Variants in ZC3H12B observed in about 807,000 individuals in gnomAD.
ZC3H12B encodes the protein probable ribonuclease ZC3H12B.
Under a neutral mutation model 43.9 loss-of-function variants are expected in ZC3H12B, and 7 were observed. The observed-to-expected ratio is 0.16, with a 90% CI of 0.09 to 0.30. ZC3H12B has a LOEUF of 0.30. ZC3H12B is among the 10% of genes least tolerant of loss of function. The pLI, the probability that ZC3H12B is intolerant of heterozygous loss-of-function variation, is 1.00. For missense variants in ZC3H12B, 475 were observed against 670.2 expected, an observed-to-expected ratio of 0.71 and a Z score of 3.22; for synonymous variants, 222 against 241.7, an observed-to-expected ratio of 0.92 and a Z score of 0.76.
the ZC3H12B span, among the ~76,000 whole-genome samples, chrX:65,348,258 A>G: frequency 1.8e-5 from 2 of 112,108 alleles, no homozygotes; most frequent in Non-Finnish European, 3.8e-5. Flanking sequence ...TAAAATTTCT[A>G]GGCATAAAAA....
At chrX:65,102,817 C>T in the ZC3H12B span, among the ~76,000 whole-genome samples, 2 of 111,257 alleles carry the variant, frequency 1.8e-5, no homozygotes, top group Non-Finnish European at 3.8e-5. Flanking sequence ...CCAGGGGAGA[C>T]ATCACATGTC....
intron 3 of ZC3H12B, chrX:65,469,252 C>A: frequency 4.1e-6 from 1 of 241,430 alleles, no homozygotes; most frequent in Non-Finnish European, 8.1e-6. Flanking sequence ...TCAAAGGTGC[C>A]ACTCACCATC....
In ZC3H12B at chrX:65,402,716, C is replaced by T. The variant is rs193006664; in HGVS notation, n.407+4012C>T. 1.2e-4 allele frequency among the ~76,000 whole-genome samples: 14 copies of T among 112,481 alleles called. No homozygotes were observed. The South Asian group carries it at 2.2e-3, about 18-fold the overall frequency. On this transcript the variant is annotated intron_variant and non_coding_transcript_variant, in intron 3 of 5. Coordinates refer to the ZC3H12B transcript ENST00000617377. The stretch of plus-strand genomic sequence containing the variant: ...AGAAAATTCTCCCAAATCTCGTTTA[C>T]GACCATCAAGGTGCAACTTCTATGA...
the ZC3H12B span, among the ~76,000 whole-genome samples, chrX:65,262,764 A>G: frequency 9.0e-6 from 1 of 110,922 alleles, no homozygotes; most frequent in East Asian, 2.8e-4. Context: ...CTCCCTCATC[A>G]AACAGTCTAT....
chrX:65,308,348 T>A, the ZC3H12B span, among the ~76,000 whole-genome samples: 1 of 110,630 alleles, frequency 9.0e-6, no homozygotes, highest in Non-Finnish European at 1.9e-5. Flanking sequence ...AAGCCTGGGC[T>A]CTGATAAAAC....
intron 3 of ZC3H12B, among the ~76,000 whole-genome samples, chrX:65,400,586 A>T (rs2066751153): frequency 8.9e-6 from 1 of 111,867 alleles, no homozygotes; most frequent in Non-Finnish European, 1.9e-5. Flanking sequence ...TGTTATAATT[A>T]TTTCAATGCA....
chrX:65,171,958 G>T, the ZC3H12B span, among the ~76,000 whole-genome samples: 1 of 112,206 alleles, frequency 8.9e-6, no homozygotes, highest in African/African-American at 3.2e-5. Flanking sequence ...CTCTTGGCTA[G>T]GAAAGGGAAT....
At chrX:65,197,863 A>C in the ZC3H12B span, among the ~76,000 whole-genome samples, 1 of 112,169 alleles carries the variant, frequency 8.9e-6, no homozygotes, top group African/African-American at 3.2e-5. Flanking sequence ...CAGCCCATAA[A>C]TATGGCTAGT....
chrX:65,153,792 G>A, the ZC3H12B span, among the ~76,000 whole-genome samples: 1 of 111,239 alleles, frequency 9.0e-6, no homozygotes, highest in African/African-American at 3.3e-5. Flanking sequence ...TATGTTTATT[G>A]TGGCACTATT....
At chrX:65,068,591 T>C in the ZC3H12B span, among the ~76,000 whole-genome samples, 1 of 112,049 alleles carries the variant, frequency 8.9e-6, no homozygotes, top group East Asian at 2.8e-4. Flanking sequence ...TTAAAAGTTG[T>C]TGGAGTTATT....
chrX:65,381,262 C>T (rs1037386641), intron 2 of ZC3H12B, among the ~76,000 whole-genome samples: 1 of 111,548 alleles, frequency 9.0e-6, no homozygotes, highest in South Asian at 3.8e-4. Flanking sequence ...TCTCTCAGAC[C>T]ACAGTGCAAT....
intron 3 of ZC3H12B, among the ~76,000 whole-genome samples, chrX:65,474,350 G>A (rs1434579709): frequency 1.8e-5 from 2 of 110,350 alleles, no homozygotes; most frequent in Non-Finnish European, 3.8e-5. Flanking sequence ...CAGCTTATGT[G>A]TGCCCTTAAA....
the ZC3H12B span, among the ~76,000 whole-genome samples, chrX:65,074,491 G>A: frequency 9.0e-6 from 1 of 111,587 alleles, no homozygotes; most frequent in Admixed American, 9.5e-5. Context: ...TGGGCTTCTT[G>A]AGTCTAGATG....
the ZC3H12B span, among the ~76,000 whole-genome samples, chrX:65,180,679 A>G: frequency 2.5e-3 from 278 of 111,392 alleles, 15 homozygotes; most frequent in Non-Finnish European, 2.3e-3. Flanking sequence ...TACAAACAGC[A>G]TAAAATACTA....
At chrX:65,499,737 A>T in intron 3 of ZC3H12B, 146 bp from the exon 9 acceptor site, 1 of 471,545 alleles carries the variant, frequency 2.1e-6, no homozygotes, top group Non-Finnish European at 3.8e-6. Context: ...AAGAACTGCT[A>T]GATTAGCAGA....
the ZC3H12B span, among the ~76,000 whole-genome samples, chrX:65,126,045 G>A: frequency 1.7e-3 from 152 of 89,750 alleles, 1 homozygote; most frequent in African/African-American, 0.011. Context: ...GTGTTTGTGT[G>A]TGTGTTTTTT....
chrX:65,327,535 C>A, the ZC3H12B span, among the ~76,000 whole-genome samples: 2 of 111,236 alleles, frequency 1.8e-5, no homozygotes, highest in Non-Finnish European at 3.8e-5. Flanking sequence ...ACATGGATGA[C>A]TTGCAAAGGA....
the ZC3H12B span, among the ~76,000 whole-genome samples, chrX:65,230,749 TCAA>T: frequency 9.0e-6 from 1 of 111,262 alleles, no homozygotes; most frequent in South Asian, 3.7e-4. Flanking sequence ...TGGATTTGTA[TCAA>T]CATCAGACCT....
chrX:65,201,639 C>CCTCTCTCT, the ZC3H12B span, among the ~76,000 whole-genome samples: 144 of 64,545 alleles, frequency 2.2e-3, no homozygotes, highest in Admixed American at 3.5e-3. Flanking sequence ...TGAAAGATCA[C>CCTCTCTCT]CTCTCTCTCT....
Sources: gnomAD v4.1 joint callset for allele counts (sites outside exome capture counted in the v4.1 genomes callset) on GRCh38, gnomAD v4.1.1 for gene constraint, MANE v1.5 for transcripts, NCBI Gene and HGNC (gene_info 2026-07-23, HGNC 2026-07-21) for gene names.